The following CDH26 variants were observed in gnomAD, a reference collection of about 807,000 sequenced individuals.
The protein encoded by CDH26 is cadherin-like protein 26.
A neutral mutation model predicts 90.3 loss-of-function variants in CDH26; 83 were observed. The observed-to-expected ratio is 0.92, with a 90% confidence interval of 0.77 to 1.10. The LOEUF (loss-of-function observed/expected upper bound fraction) is 1.10. Ranked by LOEUF, CDH26 falls within the 50% of genes least tolerant of loss-of-function variation. CDH26 has a pLI of 0.00. For missense variants in CDH26, 1,013 were observed against 1,037.6 expected (o/e 0.98, Z 0.33); for synonymous variants, 397 against 396.3 (o/e 1.00, Z -0.02).
At chr20:59,993,684 T>C (rs2145995151) in intron 10 of CDH26, among the ~76,000 whole-genome samples, 1 of 152,362 alleles carries the variant, frequency 6.6e-6, no homozygotes, top group Non-Finnish European at 1.5e-5. Context: ...TTAGGTTGGC[T>C]CCATATATTT....
chr20:60,028,691 G>C (rs887706866), intron 7 of CDH26, among the ~76,000 whole-genome samples: 2 of 152,192 alleles, frequency 1.3e-5, no homozygotes, highest in African/African-American at 4.8e-5. Flanking sequence ...GACATGGCAA[G>C]TGAGGTTGTG....
intron 8 of CDH26, 148 bp from the exon 9 acceptor site, chr20:59,988,756 T>C: frequency 1.2e-6 from 1 of 809,486 alleles, no homozygotes; most frequent in Non-Finnish European, 1.9e-6. Context: ...AGCTGTAGAC[T>C]GTCTTTTGAT....
chr20:59,999,654 G>A lies in CDH26; in HGVS notation c.2088G>A (p.Gln696=), dbSNP rs183880942. 3.1e-6 allele frequency: 5 copies of A among 1,614,102 alleles called. No individual in the cohort carries two copies. Among genetic ancestry groups the A allele is most frequent in the Non-Finnish European group, 4.2e-6 (5 of 1,179,976 alleles). Residue 696 remains glutamine, a synonymous_variant, in exon 14 of 18, where the codon CAG becomes CAA. Transcript: ENST00000348616. ...LICTAAAGPT[Q]GVKDLEEVPP... is the part of the protein sequence containing the mutation. ...GCACAGCTGCAGCAGGACCCACGCA[G>A]GGAGTTAAGGTAACATGCCCCTTAC...
At chr20:60,002,615 A>G (rs779365252) in intron 15 of CDH26, among the ~76,000 whole-genome samples, 198 bp from the exon 16 acceptor site, 56 of 152,184 alleles carry the variant, frequency 3.7e-4, no homozygotes, top group Middle Eastern at 3.4e-3. Flanking sequence ...TTGCAAATCT[A>G]ATATTCTCAT....
chr20:59,970,388 G>A (rs974238021), intron 3 of CDH26, among the ~76,000 whole-genome samples: 1 of 151,998 alleles, frequency 6.6e-6, no homozygotes, highest in African/African-American at 2.4e-5. Context: ...GAGTTTGAAC[G>A]AGTCACTTCT....
chr20:59,987,713 G>T (rs937572158), intron 8 of CDH26, 75 bp downstream of exon 8: 8 of 1,339,996 alleles, frequency 6.0e-6, no homozygotes, highest in Non-Finnish European at 8.2e-6. Context: ...CACTCACAAT[G>T]AACCAGGGAG....
chr20:59,958,825 G>A (rs1406263710), intron 1 of CDH26, 30 bp downstream of exon 1: 3 of 1,604,730 alleles, frequency 1.9e-6, no homozygotes, highest in South Asian at 2.2e-5. Flanking sequence ...TAGTGCTCAG[G>A]TGCAGGGAAC....
In CDH26 at chr20:59,958,547, T is replaced by C. The variant is rs867785715; in HGVS notation, c.-180T>C. On this transcript the variant is annotated 5_prime_UTR_variant, in exon 1 of 18. The change abolishes an upstream ATG in the 5' untranslated region. Coordinates refer to ENST00000348616, the MANE Select transcript of CDH26 (RefSeq NM_177980.4). ...AGTCAGCCCACCCCACTCTGATAAA[T>C]GCAAGAAAAGCTGAAAAGGGAGGAG... 7.6e-6 allele frequency: 5 copies of C among 658,164 alleles called. No homozygotes were observed. In the Middle Eastern group the frequency reaches 1.2e-3, roughly 158 times the overall value. The allele number at this position is 658,164 out of a possible 1,614,324, so 40.8% of individuals were successfully genotyped here.
chr20:60,031,746 C>T (rs769449009), intron 8 of CDH26, among the ~76,000 whole-genome samples: 24 of 152,218 alleles, frequency 1.6e-4, no homozygotes, highest in Non-Finnish European at 3.2e-4. Context: ...CTCACAGCCT[C>T]TTGGGAGTTT....
rs1446703881 is a variant in CDH26, at chr20:60,021,887, C to CAT, written c.948-9343_948-9342insTA. ...ACACACACACACACACACACACACA[C>CAT]ACACACACACATATATATATATATA... On this transcript the variant is annotated intron_variant, in intron 7 of 8. Coordinates refer to the CDH26 transcript ENST00000370991. Among the ~76,000 whole-genome samples the CAT allele has an allele frequency of 6.3e-3, 551 of 88,014 alleles. 8 individuals carry two copies. The highest frequency in any genetic ancestry group is 0.02 in the African/African-American group (523 of 26,360). The allele number at this position is 88,014 out of a possible 152,430, so 57.7% of individuals were successfully genotyped here.
chr20:60,019,751 T>C (rs2061936512), intron 7 of CDH26, among the ~76,000 whole-genome samples: 1 of 152,198 alleles, frequency 6.6e-6, no homozygotes, highest in African/African-American at 2.4e-5. Flanking sequence ...CCTTTGGAGG[T>C]GTCATGTTTC....
At chr20:60,007,004 G>A (rs977627989) in intron 17 of CDH26, among the ~76,000 whole-genome samples, 3 of 152,178 alleles carry the variant, frequency 2.0e-5, no homozygotes, top group Admixed American at 2.0e-4. Context: ...TTCCAGCATG[G>A]TTGGGTTCTG....
intron 3 of CDH26, among the ~76,000 whole-genome samples, chr20:59,970,674 G>A (rs928397580): frequency 1.3e-5 from 2 of 151,654 alleles, no homozygotes; most frequent in South Asian, 4.2e-4. Context: ...ACCAGGCATG[G>A]TTGCAGGTGC....
chr20:59,978,378 C>CTT (rs112134656), intron 4 of CDH26, among the ~76,000 whole-genome samples: 4 of 143,408 alleles, frequency 2.8e-5, no homozygotes, highest in Non-Finnish European at 6.2e-5. Flanking sequence ...TTTATACTTA[C>CTT]TTTTTTTTTT....
chr20:60,025,741 G>A (rs2061991945), intron 7 of CDH26, among the ~76,000 whole-genome samples: 1 of 152,210 alleles, frequency 6.6e-6, no homozygotes, highest in Non-Finnish European at 1.5e-5. Flanking sequence ...GGAGTATTAA[G>A]CAGTGGGGTA....
At chr20:59,985,562 G>A (rs1227508011) in intron 7 of CDH26, among the ~76,000 whole-genome samples, 2 of 152,084 alleles carry the variant, frequency 1.3e-5, no homozygotes, top group East Asian at 3.9e-4. Context: ...ATTTATGAGG[G>A]ATCTGCCCCA....
intron 9 of CDH26, among the ~76,000 whole-genome samples, chr20:59,991,117 G>C (rs1401007032): frequency 6.6e-6 from 1 of 152,108 alleles, no homozygotes; most frequent in Non-Finnish European, 1.5e-5. Flanking sequence ...TTGATTGAGA[G>C]GTCTGGGGTC....
intron 16 of CDH26, 111 bp downstream of exon 16, chr20:60,002,977 A>T (rs1261684168): frequency 1.2e-5 from 8 of 662,258 alleles, no homozygotes; most frequent in Non-Finnish European, 1.7e-5. Context: ...TGATAAAAAA[A>T]AATATGCCCA....
At chr20:59,998,679 G>A (rs1478095422) in intron 13 of CDH26, among the ~76,000 whole-genome samples, 1 of 152,094 alleles carries the variant, frequency 6.6e-6, no homozygotes, top group Non-Finnish European at 1.5e-5. Context: ...AACAGACCTG[G>A]GTGTAGATTC....
Sources: allele counts gnomAD v4.1 joint callset (sites outside exome capture counted in the v4.1 genomes callset), GRCh38; gene constraint gnomAD v4.1.1; transcripts MANE v1.5; gene names NCBI Gene and HGNC (gene_info 2026-07-23, HGNC 2026-07-21).